The following MCMBP variants were observed in gnomAD, a reference collection of about 807,000 sequenced individuals.
The protein encoded by MCMBP is mini-chromosome maintenance complex-binding protein.
In MCMBP, 31 loss-of-function variants were observed where a neutral mutation model predicts 81.3. The ratio of observed to expected loss-of-function variants is 0.38; its 90% CI spans 0.29 to 0.51. The LOEUF (loss-of-function observed/expected upper bound fraction) is 0.51. MCMBP is among the 20% of genes least tolerant of loss of function. The probability of loss-of-function intolerance (pLI) is 0.87; values close to 1 mark genes in which losing one functional copy is unlikely to be tolerated. For missense variants in MCMBP, 645 were observed against 772.1 expected (o/e 0.84, Z 1.95); for synonymous variants, 267 against 275.9 (o/e 0.97, Z 0.32).
intron 14 of MCMBP, 60 bp from the exon 15 acceptor site, chr10:119,832,160 T>C: frequency 6.7e-7 from 1 of 1,493,106 alleles, no homozygotes; most frequent in Non-Finnish European, 9.2e-7. Context: ...AAAATTAACA[T>C]GGTTCCTTGA....
intron 1 of MCMBP, among the ~76,000 whole-genome samples, chr10:119,861,700 G>A (rs1853259269): frequency 6.6e-6 from 1 of 152,166 alleles, no homozygotes; most frequent in Non-Finnish European, 1.5e-5. Flanking sequence ...TGACTGGGGA[G>A]CAGCAAGTTA....
At chr10:119,860,705 T>C (rs1387425374) in intron 1 of MCMBP, among the ~76,000 whole-genome samples, 1 of 152,212 alleles carries the variant, frequency 6.6e-6, no homozygotes, top group Non-Finnish European at 1.5e-5. Context: ...TTTCATGACA[T>C]TGCTATTTAA....
chr10:119,871,104 C>T (rs899071711), intron 1 of MCMBP, among the ~76,000 whole-genome samples: 2 of 152,116 alleles, frequency 1.3e-5, no homozygotes, highest in East Asian at 3.8e-4. Context: ...ATATTAGTAA[C>T]TGAAATTTAA....
chr10:119,844,886 C>T (rs1353192245), intron 8 of MCMBP, among the ~76,000 whole-genome samples: 1 of 152,202 alleles, frequency 6.6e-6, no homozygotes, highest in African/African-American at 2.4e-5. Flanking sequence ...TCACCAGGAG[C>T]TCTTAGGCCT....
chr10:119,864,085 T>A (rs1017415367), intron 1 of MCMBP, among the ~76,000 whole-genome samples: 1 of 151,850 alleles, frequency 6.6e-6, no homozygotes, highest in African/African-American at 2.4e-5. Context: ...AAAGAGGAAG[T>A]TAGAGTAAGA....
chr10:119,832,940 G>A (rs1378660289), intron 14 of MCMBP, among the ~76,000 whole-genome samples: 2 of 152,188 alleles, frequency 1.3e-5, no homozygotes, highest in African/African-American at 4.8e-5. Context: ...TAACTCCTAG[G>A]AACTCAGAAG....
chr10:119,850,874 G>GTTTTTTTTTTTTTTTTTTTTT (rs1284100421), intron 6 of MCMBP, among the ~76,000 whole-genome samples: 34 of 130,536 alleles, frequency 2.6e-4, no homozygotes, highest in Non-Finnish European at 3.8e-4. Flanking sequence ...TACAAGATCT[G>GTTTTTTTTTTTTTTTTTTTTT]TTTTTTTTTT....
chr10:119,839,970 C>T (rs1852379068), intron 11 of MCMBP, among the ~76,000 whole-genome samples: 2 of 152,204 alleles, frequency 1.3e-5, no homozygotes. Context: ...TTAATCCAGA[C>T]ATTGAAGAGA....
chr10:119,840,724 T>C (rs1379401149), intron 11 of MCMBP, 119 bp downstream of exon 11: 3 of 558,808 alleles, frequency 5.4e-6, no homozygotes, highest in Non-Finnish European at 6.0e-6. Context: ...CAGGCTTTGT[T>C]TCCCCTTAAA....
chr10:119,873,235 T>C (rs1438651306), upstream of MCMBP, among the ~76,000 whole-genome samples: 1 of 152,178 alleles, frequency 6.6e-6, no homozygotes, highest in Non-Finnish European at 1.5e-5. Context: ...CTCCTCTTCG[T>C]GCCTTTTTTT....
chr10:119,849,388 A>G, intron 7 of MCMBP, 37 bp downstream of exon 7: 1 of 1,587,892 alleles, frequency 6.3e-7, no homozygotes, highest in Non-Finnish European at 8.5e-7. Context: ...TGAGACACAT[A>G]ACATTTCAGT....
chr10:119,871,831 C>T (rs983677004), intron 1 of MCMBP, among the ~76,000 whole-genome samples: 9 of 152,292 alleles, frequency 5.9e-5, no homozygotes, highest in Non-Finnish European at 8.8e-5. Context: ...ATACCCTTCG[C>T]AGTAAAGTAG....
chr10:119,857,482 A>G, intron 4 of MCMBP, 43 bp from the exon 5 acceptor site: 1 of 1,371,932 alleles, frequency 7.3e-7, no homozygotes, highest in Non-Finnish European at 1.0e-6. Flanking sequence ...TTACTTTAAA[A>G]AACCCAAAAT....
intron 15 of MCMBP, 81 bp downstream of exon 15, chr10:119,831,931 C>T: frequency 7.5e-7 from 1 of 1,334,064 alleles, no homozygotes; most frequent in Non-Finnish European, 1.0e-6. Flanking sequence ...TTTTAGAATT[C>T]TGCCTCAGTT....
At chr10:119,850,615 G>A (rs1043954691) in intron 6 of MCMBP, among the ~76,000 whole-genome samples, 2 of 151,746 alleles carry the variant, frequency 1.3e-5, no homozygotes, top group Non-Finnish European at 2.9e-5. Flanking sequence ...CAGGCGTGGT[G>A]ATGGGGGCCT....
At chr10:119,838,253 TTA>T (rs1852316645) in intron 12 of MCMBP, among the ~76,000 whole-genome samples, 2 of 148,208 alleles carry the variant, frequency 1.3e-5, no homozygotes, top group African/African-American at 4.9e-5. Flanking sequence ...ATGATATATA[TTA>T]AATGAGACAT....
intron 5 of MCMBP, 23 bp from the exon 6 acceptor site, chr10:119,853,217 G>C: frequency 6.2e-7 from 1 of 1,608,598 alleles, no homozygotes; most frequent in Non-Finnish European, 8.5e-7. Flanking sequence ...GTTAAGAAAA[G>C]ACTATCATAA....
chr10:119,859,156 A>T lies in MCMBP; in HGVS notation c.170T>A (p.Leu57His). 1 of 1,613,794 alleles carries T rather than the reference A, an allele frequency of 6.2e-7. No homozygotes were observed. Among genetic ancestry groups the T allele is most frequent in the Non-Finnish European group, 8.5e-7 (1 of 1,179,874 alleles). Residue 57 changes from leucine to histidine, a missense_variant, in exon 3 of 16, where the codon CTT (leucine) becomes CAT (histidine). Leu to His is a moderately conservative substitution (Grantham distance 99). Coordinates refer to ENST00000369077, the MANE Select transcript of MCMBP (RefSeq NM_001256378.2). ...KWVPSLNEVPLHYLKPNSFVK... is the reference protein window; with the variant it reads ...KWVPSLNEVPHHYLKPNSFVK... Reference sequence around the variant, plus strand: ...AAAACTATTAGGTTTCAAATAATGAAGGGGAACTTCGTTCAGTGATGGTAC... The same window carrying T: ...AAAACTATTAGGTTTCAAATAATGATGGGGAACTTCGTTCAGTGATGGTAC...
Position 119,872,653 on chromosome 10 carries a change from C to A in MCMBP, c.-69G>T, listed in dbSNP as rs1419628997. 2.3e-6 allele frequency: 2 copies of A among 859,424 alleles called. No individual in the cohort carries two copies. Among genetic ancestry groups the A allele is most frequent in the Non-Finnish European group, 3.0e-6 (2 of 676,764 alleles). The allele number at this position is 859,424 out of a possible 1,614,324, so 53.2% of individuals were successfully genotyped here. A position where few individuals can be genotyped will look rare whatever the true frequency, so the allele number is the denominator to read the frequency against. On this transcript the variant is annotated 5_prime_UTR_variant, in exon 1 of 16. Transcript: ENST00000369077. ...CGCGGGCCGAGCGCGGCCGGGCGGC[C>A]GGCGCCCAGCTCCTCTTCAGCGGCT... is the stretch of plus-strand genomic sequence containing the variant.
Sources: allele counts gnomAD v4.1 joint callset (sites outside exome capture counted in the v4.1 genomes callset), GRCh38; gene constraint gnomAD v4.1.1; transcripts MANE v1.5; gene names NCBI Gene and HGNC (gene_info 2026-07-23, HGNC 2026-07-21).